DAGLB: variants seen among roughly 807,000 people sequenced by gnomAD.
DAGLB encodes diacylglycerol lipase beta.
Under a neutral mutation model 72.1 loss-of-function variants are expected in DAGLB, and 66 were observed. The ratio of observed to expected loss-of-function variants is 0.92; its 90% confidence interval spans 0.75 to 1.12. The LOEUF (loss-of-function observed/expected upper bound fraction) is 1.12. DAGLB is among the 50% of genes most tolerant of loss of function. The pLI is 0.00. For synonymous variants in DAGLB, 414 were observed against 359.5 expected (o/e 1.15, Z -1.71); for missense variants, 1,065 against 884.9 (o/e 1.20, Z -2.58).
intron 6 of DAGLB, among the ~76,000 whole-genome samples, chr7:6,429,379 G>T (rs1784408801): frequency 6.6e-6 from 1 of 151,838 alleles, no homozygotes; most frequent in Non-Finnish European, 1.5e-5. Flanking sequence ...AAGAACGGCT[G>T]AGAAACTTAA....
At chr7:6,442,215 G>T (rs1438430024) in intron 2 of DAGLB, among the ~76,000 whole-genome samples, 1 of 152,100 alleles carries the variant, frequency 6.6e-6, no homozygotes, top group Non-Finnish European at 1.5e-5. Flanking sequence ...TGGTATGTGT[G>T]GGATGGGGGC....
rs545710341 is a variant in DAGLB at position 6,418,813 on chromosome 7, C to T, written c.1219-1892G>A. Among the ~76,000 whole-genome samples, 280 of 152,168 alleles carry T rather than the reference C, an allele frequency of 1.8e-3. 3 individuals carry two copies. Among genetic ancestry groups the T allele is most frequent in the African/African-American group, 6.3e-3 (260 of 41,540 alleles). On this transcript the variant is annotated intron_variant, in intron 9 of 14. Coordinates refer to ENST00000297056, the MANE Select transcript of DAGLB (RefSeq NM_139179.4). ...CTGACTAGCTGGGACTACAGGCGCC[C>T]GCCACCACGCCCGGCTAATTTTTTG...
At chr7:6,435,254 G>A (rs887855282) in intron 3 of DAGLB, among the ~76,000 whole-genome samples, 5 of 152,296 alleles carry the variant, frequency 3.3e-5, no homozygotes, top group East Asian at 1.9e-4. Context: ...TTGGGAGGCC[G>A]AGGCCGGCAG....
At chr7:6,434,624 G>T in intron 4 of DAGLB, 138 bp downstream of exon 4, 1 of 1,391,780 alleles carries the variant, frequency 7.2e-7, no homozygotes, top group Non-Finnish European at 9.8e-7. Flanking sequence ...ATCACAGACA[G>T]AGGGTCTCCG....
intron 6 of DAGLB, among the ~76,000 whole-genome samples, chr7:6,429,860 C>T (rs866293527): frequency 3.3e-5 from 5 of 151,912 alleles, no homozygotes; most frequent in South Asian, 4.1e-4. Flanking sequence ...CTGGCTAACA[C>T]GGTGAAACCC....
Position 6,413,168 on chromosome 7 carries a change from G to A in DAGLB, c.1428-134C>T, listed in dbSNP as rs146247471. ...TCTGTTCTCTCTTCTCTAAAGGGAG[G>A]GTAGGGGAAACGTCAGTTATGGCAA... On this transcript the variant is annotated intron_variant, in intron 11 of 14. Transcript: ENST00000297056. 2,213 of 947,370 alleles carry A rather than the reference G, an allele frequency of 2.3e-3. 8 individuals are homozygous for A. The highest frequency in any genetic ancestry group is 3.0e-3 in the Non-Finnish European group (1,931 of 633,598). The allele number at this position is 947,370 out of a possible 1,614,324, so 58.7% of individuals were successfully genotyped here.
At chr7:6,412,157 G>A (rs544959770) in intron 13 of DAGLB, among the ~76,000 whole-genome samples, 8 of 152,224 alleles carry the variant, frequency 5.3e-5, no homozygotes, top group South Asian at 2.1e-4. Flanking sequence ...CAGGTGATCT[G>A]CCTGCCTTAG....
chr7:6,425,608 A>AC (rs993101161), intron 7 of DAGLB, among the ~76,000 whole-genome samples: 8 of 151,294 alleles, frequency 5.3e-5, no homozygotes, highest in African/African-American at 9.7e-5. Flanking sequence ...GGTGACAGTG[A>AC]CCCCCCCAGA....
In DAGLB at chr7:6,410,207, C is replaced by T; in HGVS notation, c.1743G>A (p.Leu581=). ...PAYSFSSDSP[L]DSSPKYPPLY... ...GAGGGGGGTACTTGGGAGAAGAGTC[C>T]AGTGGGGAGTCGCTGGAGAAGCTGT... The change falls in exon 14 of 15, where the codon CTG becomes CTA. Residue 581 remains leucine (L), a synonymous_variant. Coordinates refer to ENST00000297056, the MANE Select transcript of DAGLB (RefSeq NM_139179.4). 1 of 1,607,602 alleles carries T rather than the reference C, an allele frequency of 6.2e-7. No homozygotes were observed. The highest frequency in any genetic ancestry group is 8.5e-7 in the Non-Finnish European group (1 of 1,176,598).
intron 9 of DAGLB, among the ~76,000 whole-genome samples, chr7:6,420,288 A>G (rs1784069459): frequency 6.6e-6 from 1 of 151,764 alleles, no homozygotes; most frequent in Non-Finnish European, 1.5e-5. Flanking sequence ...AAAAATACAA[A>G]AATCAGCTGG....
chr7:6,432,677 A>AAAAAG (rs1784522108), intron 5 of DAGLB, among the ~76,000 whole-genome samples, 160 bp downstream of exon 5: 2 of 60,764 alleles, frequency 3.3e-5, no homozygotes, highest in African/African-American at 1.1e-4. Context: ...AAAAAAAAAA[A>AAAAAG]GGTGGGAGAG....
chr7:6,424,724 G>T, intron 8 of DAGLB, 28 bp downstream of exon 8: 2 of 1,611,356 alleles, frequency 1.2e-6, no homozygotes. Context: ...CCCACTCCCA[G>T]GGCTGGAAAG....
chr7:6,430,684 C>G lies in DAGLB; in HGVS notation c.802-77G>C, dbSNP rs1471401498. The G allele has an allele frequency of 8.0e-6, 11 of 1,371,528 alleles. No individual in the cohort carries two copies. The East Asian group carries it at 2.8e-4, about 35-fold the overall frequency. 85.0% of individuals were successfully genotyped at this position (1,371,528 alleles called of 1,614,324 possible). A position where few individuals can be genotyped will look rare whatever the true frequency, so the allele number is the denominator to read the frequency against. On this transcript the variant is annotated intron_variant, in intron 5 of 14. Coordinates refer to ENST00000297056, the MANE Select transcript of DAGLB (RefSeq NM_139179.4). ...AGGATCAACACACTGAGACCTGAAA[C>G]CTGAACTCATTCCTGACTCTTCCTG...
chr7:6,415,116 G>C (rs1783859583), intron 11 of DAGLB, among the ~76,000 whole-genome samples: 2 of 151,564 alleles, frequency 1.3e-5, no homozygotes, highest in African/African-American at 4.9e-5. Flanking sequence ...AGCCATGACT[G>C]TGCTGCTGCA....
chr7:6,418,431 G>A (rs1246863813), intron 9 of DAGLB, among the ~76,000 whole-genome samples: 1 of 152,042 alleles, frequency 6.6e-6, no homozygotes, highest in Admixed American at 6.6e-5. Flanking sequence ...CCTACACGCA[G>A]TTAAGCCCTA....
chr7:6,439,664 G>A (rs1013973236), intron 2 of DAGLB, among the ~76,000 whole-genome samples: 2 of 152,156 alleles, frequency 1.3e-5, no homozygotes, highest in African/African-American at 2.4e-5. Context: ...GGGTTCTTCT[G>A]TCAAAACATG....
intron 6 of DAGLB, among the ~76,000 whole-genome samples, chr7:6,428,332 A>AAAAG (rs1233174903): frequency 2.0e-4 from 30 of 150,424 alleles, no homozygotes; most frequent in African/African-American, 2.2e-4. Context: ...AAAAAAAAAA[A>AAAAG]AAAGAAAGAA....
At chr7:6,441,868 G>A (rs1396247984) in intron 2 of DAGLB, among the ~76,000 whole-genome samples, 2 of 152,108 alleles carry the variant, frequency 1.3e-5, no homozygotes, top group Admixed American at 1.3e-4. Flanking sequence ...CTGAAAAGCA[G>A]GAAGGGCCAC....
intron 9 of DAGLB, among the ~76,000 whole-genome samples, chr7:6,420,967 G>A (rs1006023545): frequency 6.6e-6 from 1 of 152,186 alleles, no homozygotes. Flanking sequence ...GCTGCTCTGA[G>A]CTTTGATGAA....
Sources: gnomAD v4.1 joint callset for allele counts (sites outside exome capture counted in the v4.1 genomes callset) on GRCh38, gnomAD v4.1.1 for gene constraint, MANE v1.5 for transcripts, NCBI Gene and HGNC (gene_info 2026-07-23, HGNC 2026-07-21) for gene names.